The following SELENOW variants were observed in gnomAD, a reference collection of about 807,000 sequenced individuals.
SELENOW encodes the protein selenoprotein W, 1.
A neutral mutation model predicts 16.6 loss-of-function variants in SELENOW; 20 were observed. The observed-to-expected ratio is 1.21, with a 90% CI of 0.85 to 1.76. The LOEUF (loss-of-function observed/expected upper bound fraction) is 1.76, where lower values mean the gene tolerates loss of function less well. Among genes scored for constraint, SELENOW ranks in the 40% most tolerant of loss-of-function variants. SELENOW has a pLI of 0.00. For missense variants in SELENOW, 124 were observed against 111.0 expected (o/e 1.12, Z -0.53); for synonymous variants, 44 against 46.2 (o/e 0.95, Z 0.19).
In SELENOW at chr19:47,778,736, T is replaced by C. The variant is rs755377383; in HGVS notation, c.-50T>C. ...AGACCTAGCGCGTCCAGGTGGGAGG[T>C]TAGTGTGGCCCGGGCGTCCGCTCCT... On this transcript the variant is annotated 5_prime_UTR_variant, in exon 1 of 6. Transcript: ENST00000601048. 4 of 1,577,990 alleles carry C rather than the reference T, an allele frequency of 2.5e-6. No individual in the cohort carries two copies. The highest frequency in any genetic ancestry group is 2.6e-6 in the Non-Finnish European group (3 of 1,162,600).
intron 3 of SELENOW, 77 bp from the exon 4 acceptor site, chr19:47,781,031 A>G: frequency 6.5e-7 from 1 of 1,547,614 alleles, no homozygotes; most frequent in South Asian, 1.1e-5. Context: ...CCATGTTCTC[A>G]TCCCCCTGGG....
chr19:47,779,417 C>G (rs1236890574), intron 1 of SELENOW: 1 of 152,782 alleles, frequency 6.5e-6, no homozygotes, highest in Non-Finnish European at 1.5e-5. Context: ...ATTACGTTCT[C>G]TCCACTCCCC....
intron 1 of SELENOW, chr19:47,779,049 T>C: frequency 1.8e-6 from 1 of 551,298 alleles, no homozygotes. Context: ...AAGGTGGGGC[T>C]GAGACGAGTG....
chr19:47,780,819 G>T (rs997436526), intron 2 of SELENOW, 45 bp from the exon 3 acceptor site: 6 of 1,604,824 alleles, frequency 3.7e-6, no homozygotes, highest in South Asian at 1.1e-5. Context: ...TTGGGAGGGG[G>T]CTGACTGGTA....
At chr19:47,781,260 T>G in intron 4 of SELENOW, 30 bp from the exon 5 acceptor site, 1 of 1,604,824 alleles carries the variant, frequency 6.2e-7, no homozygotes. Context: ...CGGTCCCAGC[T>G]CACCCCTTCC....
intron 1 of SELENOW, chr19:47,779,499 A>G (rs1310046514): frequency 6.5e-6 from 1 of 152,698 alleles, no homozygotes; most frequent in African/African-American, 2.4e-5. Context: ...CCTCCCAGGA[A>G]TCCCTTAAGA....
rs1491480806 is a variant in SELENOW at position 47,780,511 on chromosome 19, CCT to C, written c.30-213_30-212del. Reference sequence around the variant, plus strand: ...GTCTCTGTGTGTCCCCGCGCCACCCCCTGTGCTGTGTCCCAAAACTCTGCCTG... The same window carrying C: ...GTCTCTGTGTGTCCCCGCGCCACCCCGTGCTGTGTCCCAAAACTCTGCCTG... On this transcript the variant is annotated intron_variant, in intron 1 of 5. Coordinates refer to ENST00000601048, the MANE Select transcript of SELENOW (RefSeq NM_003009.4). 8.4e-6 allele frequency: 5 copies of C among 598,010 alleles called. No individual in the cohort carries two copies. In the Admixed American group the frequency reaches 1.2e-4, roughly 14 times the overall value. The allele number at this position is 598,010 out of a possible 1,614,324, so 37.0% of individuals were successfully genotyped here.
In SELENOW at chr19:47,781,109, G is replaced by A. The variant is rs115702391; in HGVS notation, c.110G>A (p.Cys37Tyr). ...ATCTCCCCTACCCCCTTTCCTCAGT[G>A]CGGCGAGGGAACTCCCCAGGCCACC... ...EDEFPGRLDI[C>Y]GEGTPQATGF... The change falls in exon 4 of 6, where the codon TGC becomes TAC. Residue 37 changes from cysteine (C) to tyrosine (Y), a missense_variant and splice_region_variant. Transcript: ENST00000601048. The A allele has an allele frequency of 1.8e-4, 289 of 1,613,556 alleles. 1 individual carries two copies. In the African/African-American group the frequency reaches 3.4e-3, roughly 19 times the overall value.
chr19:47,780,611 C>T (rs956316010), intron 1 of SELENOW, 114 bp from the exon 2 acceptor site: 4 of 833,650 alleles, frequency 4.8e-6, no homozygotes, highest in African/African-American at 3.4e-5. Context: ...CTCTTTATTT[C>T]TTCCTGGCCC....
rs1451218666 is a variant in SELENOW, at chr19:47,781,162, A to G, written c.163A>G (p.Lys55Glu). 3 of 1,613,548 alleles carry G rather than the reference A, an allele frequency of 1.9e-6. No individual in the cohort carries two copies. In the African/African-American group the frequency reaches 4.0e-5, roughly 22 times the overall value. Residue 55 changes from lysine to glutamate, a missense_variant, in exon 4 of 6, where the codon AAG becomes GAG. Lys to Glu is a moderately conservative substitution (Grantham distance 56). Coordinates refer to ENST00000601048, the MANE Select transcript of SELENOW (RefSeq NM_003009.4). Reference protein sequence around the residue: ...TGFFEVMVAGKLIHSKKKGDG... With the variant: ...TGFFEVMVAGELIHSKKKGDG... ...GTTCTTTGAAGTGATGGTAGCCGGG[A>G]AGTTGATTCACTCTAAGAAGGTATG...
chr19:47,780,776 A>G, intron 2 of SELENOW, 27 bp downstream of exon 2: 1 of 1,552,892 alleles, frequency 6.4e-7, no homozygotes, highest in Non-Finnish European at 8.8e-7. Context: ...CCCGGGGGGC[A>G]TTCCTGGGAG....
At chr19:47,781,460 C>G in intron 5 of SELENOW, 72 bp downstream of exon 5, 1 of 874,906 alleles carries the variant, frequency 1.1e-6, no homozygotes, top group Non-Finnish European at 1.8e-6. Context: ...ACTCCTTGGC[C>G]CAGGGTGGAG....
Position 47,780,987 on chromosome 19 carries a change from T to C in SELENOW, c.108+70T>C, listed in dbSNP as rs554445205. On this transcript the variant is annotated intron_variant, in intron 3 of 5. Coordinates refer to ENST00000601048, the MANE Select transcript of SELENOW (RefSeq NM_003009.4). ...TCGGTCCGTTAGGCCTGGATGGCAC[T>C]GCAGGGGGGTTAGGTCAGCCCTACG... is the stretch of plus-strand genomic sequence containing the variant. 21 of 1,574,916 alleles carry C rather than the reference T, an allele frequency of 1.3e-5. No individual in the cohort carries two copies. The African/African-American group carries it at 2.7e-4, about 20-fold the overall frequency.
chr19:47,781,451 C>T lies in SELENOW; in HGVS notation c.*18+63C>T, dbSNP rs933001618. 1.5e-5 allele frequency: 14 copies of T among 922,568 alleles called. No individual in the cohort carries two copies. In the Admixed American group the frequency reaches 1.6e-4, roughly 11 times the overall value. The allele number at this position is 922,568 out of a possible 1,614,324, so 57.1% of individuals were successfully genotyped here. The stretch of plus-strand genomic sequence containing the variant: ...ATCTTCTCCCTGCCCCATGCTCTGA[C>T]TCCTTGGCCCAGGGTGGAGAGCCTG... On this transcript the variant is annotated intron_variant, in intron 5 of 5. Coordinates refer to ENST00000601048, the MANE Select transcript of SELENOW (RefSeq NM_003009.4).
chr19:47,782,028 G>A (rs1967483079), intron 5 of SELENOW, among the ~76,000 whole-genome samples: 1 of 152,152 alleles, frequency 6.6e-6, no homozygotes, highest in African/African-American at 2.4e-5. Flanking sequence ...TCCTGGTTTG[G>A]GAATGAAAAG....
Position 47,778,712 on chromosome 19 carries a change from G to C in SELENOW, c.-74G>C. 6.5e-7 allele frequency: 1 copy of C among 1,529,326 alleles called. No homozygotes were observed. Among genetic ancestry groups the C allele is most frequent in the East Asian group, 2.4e-5 (1 of 40,972 alleles). 94.7% of individuals were successfully genotyped at this position (1,529,326 alleles called of 1,614,324 possible). ...CGCAGGTTCCCGCCGCACTCGCGCA[G>C]ACCTAGCGCGTCCAGGTGGGAGGTT... On this transcript the variant is annotated 5_prime_UTR_variant, in exon 1 of 6. Transcript: ENST00000601048.
intron 1 of SELENOW, chr19:47,779,373 A>G (rs1455442626): frequency 6.5e-6 from 1 of 153,768 alleles, no homozygotes; most frequent in African/African-American, 2.4e-5. Flanking sequence ...AATTTCTGCA[A>G]GTCTCAGGAA....
At chr19:47,778,841 TCCCCGA>T in intron 1 of SELENOW, 27 bp downstream of exon 1, 3 of 1,406,584 alleles carry the variant, frequency 2.1e-6, no homozygotes, top group Non-Finnish European at 1.9e-6. Context: ...GCGGCCCCCG[TCCCCGA>T]CCCCCGCCGG....
chr19:47,781,959 G>A (rs1383852704), intron 5 of SELENOW, among the ~76,000 whole-genome samples: 1 of 152,106 alleles, frequency 6.6e-6, no homozygotes, highest in Non-Finnish European at 1.5e-5. Flanking sequence ...GCTGAGATGG[G>A]GTATGCAAGA....
Sources: allele counts gnomAD v4.1 joint callset (sites outside exome capture counted in the v4.1 genomes callset), GRCh38; gene constraint gnomAD v4.1.1; transcripts MANE v1.5; gene names NCBI Gene and HGNC (gene_info 2026-07-23, HGNC 2026-07-21).